The following EGFR variants were observed in gnomAD, a reference collection of about 807,000 sequenced individuals.
The protein encoded by EGFR is avian erythroblastic leukemia viral (v-erb-b) oncogene homolog.
In EGFR, 58 loss-of-function variants were observed where a neutral mutation model predicts 143.0. The observed-to-expected ratio is 0.41, with a 90% CI of 0.33 to 0.50. EGFR has a LOEUF of 0.50. EGFR is among the 20% of genes least tolerant of loss of function. The probability of loss-of-function intolerance (pLI) is 0.39; values close to 1 mark genes in which losing one functional copy is unlikely to be tolerated. For synonymous variants in EGFR, 613 were observed against 594.4 expected (o/e 1.03, Z -0.45); for missense variants, 1,307 against 1,579.0 (o/e 0.83, Z 2.92).
intron 15 of EGFR, among the ~76,000 whole-genome samples, chr7:55,168,316 C>T (rs1456901004): frequency 6.6e-6 from 1 of 152,196 alleles, no homozygotes; most frequent in Non-Finnish European, 1.5e-5. Flanking sequence ...ATCTCTGCAT[C>T]AATATCTCTA....
At chr7:55,174,233 G>T (rs1335335308) in intron 18 of EGFR, among the ~76,000 whole-genome samples, 190 bp downstream of exon 18, 1 of 152,200 alleles carries the variant, frequency 6.6e-6, no homozygotes, top group Non-Finnish European at 1.5e-5. Context: ...AGTAATCAGT[G>T]GTCCTGTGAG....
chr7:55,095,525 G>A (rs1018219764), intron 1 of EGFR, among the ~76,000 whole-genome samples: 9 of 152,232 alleles, frequency 5.9e-5, no homozygotes, highest in Admixed American at 2.0e-4. Context: ...GCTTGGGAGT[G>A]TGGGCCAGTT....
At position 55,206,597 on chromosome 7, in the gene EGFR, G is replaced by A. The variant is rs1210302003; in HGVS notation, c.*980G>A. On this transcript the variant is annotated 3_prime_UTR_variant, in exon 28 of 28. Transcript: ENST00000275493. ...AGATGAAATGCATCAGGTCCTTTGGGGCATAGATCAGAAGACTACAAAAAT... is the reference window on the plus strand; with the variant it reads ...AGATGAAATGCATCAGGTCCTTTGGAGCATAGATCAGAAGACTACAAAAAT... 4.3e-6 allele frequency: 1 copy of A among 233,030 alleles called. No homozygotes were observed. Among genetic ancestry groups the A allele is most frequent in the Non-Finnish European group, 8.5e-6 (1 of 118,044 alleles). 14.4% of individuals were successfully genotyped at this position (233,030 alleles called of 1,614,324 possible).
intron 1 of EGFR, among the ~76,000 whole-genome samples, chr7:55,129,432 T>C (rs1205792307): frequency 2.0e-5 from 3 of 152,230 alleles, no homozygotes; most frequent in African/African-American, 7.2e-5. Context: ...GGTTTCAGCT[T>C]AACATAAGGA....
At chr7:55,093,679 C>T (rs73135239) in intron 1 of EGFR, among the ~76,000 whole-genome samples, 29,063 of 152,128 alleles carry the variant, frequency 0.19, 3,192 homozygotes, top group African/African-American at 0.28. Flanking sequence ...GAAAACTGCA[C>T]TTAGACTCAT....
At chr7:55,027,990 AAATATAT>A (rs1251243918) in intron 1 of EGFR, among the ~76,000 whole-genome samples, 34 of 64,876 alleles carry the variant, frequency 5.2e-4, no homozygotes, top group East Asian at 4.1e-3. Context: ...AAAAAAAAAA[AAATATAT>A]ATATATATAT....
At chr7:55,025,281 A>T (rs960244940) in intron 1 of EGFR, among the ~76,000 whole-genome samples, 1 of 152,220 alleles carries the variant, frequency 6.6e-6, no homozygotes, top group Non-Finnish European at 1.5e-5. Flanking sequence ...TGCCAGAGAC[A>T]GAGGATGAAG....
intron 1 of EGFR, 26 bp from the exon 2 acceptor site, chr7:55,142,260 A>C: frequency 6.2e-7 from 1 of 1,614,102 alleles, no homozygotes; most frequent in Non-Finnish European, 8.5e-7. Flanking sequence ...TCAGTATTTC[A>C]TGTGATATCT....
At chr7:55,058,133 C>A (rs559481811) in intron 1 of EGFR, among the ~76,000 whole-genome samples, 20 of 152,220 alleles carry the variant, frequency 1.3e-4, no homozygotes, top group Non-Finnish European at 2.2e-4. Flanking sequence ...CAGTGGCTCA[C>A]GCCTGTAATC....
chr7:55,063,718 G>A (rs767417016), intron 1 of EGFR, among the ~76,000 whole-genome samples: 7 of 152,186 alleles, frequency 4.6e-5, no homozygotes, highest in African/African-American at 7.2e-5. Context: ...TCTGCACCTC[G>A]AGAGGAGTGG....
intron 1 of EGFR, among the ~76,000 whole-genome samples, chr7:55,071,756 A>G (rs1339456906): frequency 2.0e-5 from 3 of 152,270 alleles, no homozygotes; most frequent in African/African-American, 7.2e-5. Context: ...ACAGAATCAC[A>G]TGGTTCTCTC....
chr7:55,022,261 A>C (rs1039450547), intron 1 of EGFR, among the ~76,000 whole-genome samples: 2 of 152,218 alleles, frequency 1.3e-5, no homozygotes, highest in African/African-American at 4.8e-5. Flanking sequence ...AAAGTATTCC[A>C]AGGCGAGTCG....
chr7:55,190,822 C>T (rs1787361988), intron 20 of EGFR, among the ~76,000 whole-genome samples: 5 of 152,238 alleles, frequency 3.3e-5, no homozygotes, highest in Admixed American at 3.3e-4. Flanking sequence ...CCCAGCCTCT[C>T]CCACCTGCCA....
chr7:55,082,787 A>T (rs1292223485), intron 1 of EGFR, among the ~76,000 whole-genome samples: 1 of 152,158 alleles, frequency 6.6e-6, no homozygotes, highest in Non-Finnish European at 1.5e-5. Context: ...GAAGCTGCAG[A>T]TTTATTTGCT....
At chr7:55,022,578 A>G (rs1345057523) in intron 1 of EGFR, among the ~76,000 whole-genome samples, 1 of 152,196 alleles carries the variant, frequency 6.6e-6, no homozygotes, top group Non-Finnish European at 1.5e-5. Flanking sequence ...AGTGCATAGA[A>G]TATGCTAGAT....
At chr7:55,172,922 T>G (rs770900042) in intron 16 of EGFR, 61 bp from the exon 17 acceptor site, 1 of 1,613,752 alleles carries the variant, frequency 6.2e-7, no homozygotes, top group Non-Finnish European at 8.5e-7. Flanking sequence ...GCGTGTTGAG[T>G]GCCAAGGCCA....
intron 1 of EGFR, among the ~76,000 whole-genome samples, chr7:55,045,707 G>T (rs1442146746): frequency 6.6e-6 from 1 of 152,200 alleles, no homozygotes; most frequent in Non-Finnish European, 1.5e-5. Flanking sequence ...AAGGTAATGT[G>T]TGAAAAGTGA....
intron 1 of EGFR, among the ~76,000 whole-genome samples, chr7:55,090,218 C>T (rs192141188): frequency 2.3e-4 from 35 of 152,262 alleles, no homozygotes; most frequent in African/African-American, 7.0e-4. Flanking sequence ...CCACCCACCT[C>T]GGCTTCCCAA....
In EGFR at chr7:55,172,973, C is replaced by A. The variant is rs2128952362; in HGVS notation, c.1920-10C>A. On this transcript the variant is annotated splice_polypyrimidine_tract_variant and intron_variant, in intron 16 of 27. Transcript: ENST00000275493. ...ACCTCACCCTTCCTTGTTCCTCCAC[C>A]TCATTCCAGGCCTAAGATCCCGTCC... 1 of 1,614,178 alleles carries A rather than the reference C, an allele frequency of 6.2e-7. No individual in the cohort carries two copies. Among genetic ancestry groups the A allele is most frequent in the South Asian group, 1.1e-5 (1 of 91,080 alleles).
Sources: allele counts gnomAD v4.1 joint callset (sites outside exome capture counted in the v4.1 genomes callset), GRCh38; gene constraint gnomAD v4.1.1; transcripts MANE v1.5; gene names NCBI Gene and HGNC (gene_info 2026-07-23, HGNC 2026-07-21).